The following DPYSL3 variants were observed in gnomAD, a reference collection of about 807,000 sequenced individuals.
DPYSL3 encodes dihydropyrimidinase like 3, also known as dihydropyrimidinase-related protein 3.
A neutral mutation model predicts 66.1 loss-of-function variants in DPYSL3; 16 were observed. That is an observed-to-expected ratio of 0.24 (90% confidence interval 0.16 to 0.37). The LOEUF (loss-of-function observed/expected upper bound fraction) is 0.37, where lower values mean the gene tolerates loss of function less well. Among genes scored for constraint, DPYSL3 ranks in the 10% least tolerant of loss-of-function variants. DPYSL3 has a pLI of 1.00. For missense variants in DPYSL3, 738 were observed against 916.2 expected (o/e 0.81, Z 2.51); for synonymous variants, 338 against 345.1 (o/e 0.98, Z 0.23).
chr5:147,420,122 T>A (rs946563078), intron 2 of DPYSL3, among the ~76,000 whole-genome samples: 2 of 152,122 alleles, frequency 1.3e-5, no homozygotes, highest in African/African-American at 4.8e-5. Flanking sequence ...AAAATCCAAG[T>A]CTAATAATGA....
chr5:147,435,113 A>AAG (rs952559105), intron 1 of DPYSL3, among the ~76,000 whole-genome samples: 8 of 150,606 alleles, frequency 5.3e-5, no homozygotes, highest in Non-Finnish European at 8.9e-5. Context: ...AGGTGGGGGG[A>AAG]AGAGAGAGAG....
In DPYSL3 at chr5:147,495,771, A is replaced by C. The variant is rs183208609; in HGVS notation, c.381+13707T>G. 2.4e-3 allele frequency among the ~76,000 whole-genome samples: 367 copies of C among 152,348 alleles called. 2 individuals carry two copies. The highest frequency in any genetic ancestry group is 8.3e-3 in the African/African-American group (347 of 41,570). ...AGAGAATACAAACAAATAGAAGAAC[A>C]TTCCATGTTCATGTGTAGGAAGAAT... On this transcript the variant is annotated intron_variant, in intron 1 of 13. Coordinates refer to ENST00000343218, the MANE Select transcript of DPYSL3 (RefSeq NM_001197294.2).
At chr5:147,470,951 T>A (rs1168412874) in intron 1 of DPYSL3, among the ~76,000 whole-genome samples, 2 of 152,128 alleles carry the variant, frequency 1.3e-5, no homozygotes, top group Non-Finnish European at 2.9e-5. Flanking sequence ...GCTGAACACT[T>A]CCCTTGGACT....
intron 1 of DPYSL3, among the ~76,000 whole-genome samples, chr5:147,503,494 C>T (rs572196648): frequency 2.0e-4 from 30 of 152,196 alleles, no homozygotes; most frequent in Non-Finnish European, 3.4e-4. Flanking sequence ...AAGTGTTCTA[C>T]GTTGCCCAGT....
chr5:147,485,926 C>T (rs1158953949), intron 1 of DPYSL3, among the ~76,000 whole-genome samples: 4 of 152,050 alleles, frequency 2.6e-5, no homozygotes. Flanking sequence ...GCACTATTCA[C>T]AATAACCAAA....
intron 1 of DPYSL3, among the ~76,000 whole-genome samples, chr5:147,436,919 T>A (rs1752423119): frequency 6.6e-6 from 1 of 152,230 alleles, no homozygotes; most frequent in Admixed American, 6.5e-5. Context: ...TTTGAGGTAC[T>A]GGTCAACCAT....
At chr5:147,409,500 T>G (rs567666110) in intron 6 of DPYSL3, among the ~76,000 whole-genome samples, 1 of 152,346 alleles carries the variant, frequency 6.6e-6, no homozygotes, top group South Asian at 2.1e-4. Context: ...CAGCATTACC[T>G]AAGTTAGTGT....
At chr5:147,483,986 C>T (rs952749315) in intron 1 of DPYSL3, among the ~76,000 whole-genome samples, 2 of 152,208 alleles carry the variant, frequency 1.3e-5, no homozygotes, top group Non-Finnish European at 2.9e-5. Flanking sequence ...TGTCTTTGAA[C>T]ACACAAGAGT....
chr5:147,401,786 A>G, intron 8 of DPYSL3, 90 bp from the exon 9 acceptor site: 2 of 1,500,886 alleles, frequency 1.3e-6, no homozygotes, highest in Non-Finnish European at 1.8e-6. Flanking sequence ...AAGCCTACCC[A>G]GGACTGTGTC....
intron 6 of DPYSL3, among the ~76,000 whole-genome samples, chr5:147,410,539 T>C (rs528097830): frequency 2.0e-5 from 3 of 152,190 alleles, no homozygotes; most frequent in Non-Finnish European, 2.9e-5. Flanking sequence ...GTTTGGGTCA[T>C]GACACAACTG....
chr5:147,397,543 A>T (rs1233744508), intron 12 of DPYSL3, 123 bp downstream of exon 12: 1 of 1,076,056 alleles, frequency 9.3e-7, no homozygotes, highest in Non-Finnish European at 1.3e-6. Flanking sequence ...TGGGGACAAG[A>T]CTGTCACTGA....
chr5:147,467,559 G>A (rs969905828), intron 1 of DPYSL3, among the ~76,000 whole-genome samples: 5 of 152,094 alleles, frequency 3.3e-5, no homozygotes, highest in East Asian at 3.9e-4. Flanking sequence ...TATACAGAAC[G>A]CCTTCCAAAA....
intron 1 of DPYSL3, among the ~76,000 whole-genome samples, chr5:147,466,467 A>G (rs754329182): frequency 6.6e-6 from 1 of 152,184 alleles, no homozygotes; most frequent in Non-Finnish European, 1.5e-5. Context: ...GCCCTAAATC[A>G]CAAGACTGAA....
chr5:147,481,672 A>G (rs1753246382), intron 1 of DPYSL3, among the ~76,000 whole-genome samples: 1 of 152,222 alleles, frequency 6.6e-6, no homozygotes, highest in Non-Finnish European at 1.5e-5. Flanking sequence ...CTCCACCCTT[A>G]TGCATGGATT....
At chr5:147,399,890 A>G (rs934002435) in intron 10 of DPYSL3, among the ~76,000 whole-genome samples, 3 of 152,228 alleles carry the variant, frequency 2.0e-5, no homozygotes, top group African/African-American at 7.2e-5. Context: ...ACAGACAACA[A>G]TATTTATATT....
rs904136570 is a variant in DPYSL3 at position 147,509,928 on chromosome 5, G to T, written c.-70C>A. 3 of 1,452,394 alleles carry T rather than the reference G, an allele frequency of 2.1e-6. No homozygotes were observed. Among genetic ancestry groups the T allele is most frequent in the African/African-American group, 2.8e-5 (2 of 70,598 alleles). 90.0% of individuals were successfully genotyped at this position (1,452,394 alleles called of 1,614,324 possible). On this transcript the variant is annotated 5_prime_UTR_variant, in exon 1 of 14. Transcript: ENST00000343218. The surrounding 1 kb of genome is among the most constrained non-coding windows in gnomAD (Gnocchi z 5.3). ...CGGAAAGGGCAGCCGCCGGCAGCGTGCGCCGAGCCACAGTGACTGTGGCGG... is the reference window on the plus strand; with the variant it reads ...CGGAAAGGGCAGCCGCCGGCAGCGTTCGCCGAGCCACAGTGACTGTGGCGG...
intron 1 of DPYSL3, among the ~76,000 whole-genome samples, chr5:147,437,295 T>C (rs1752429730): frequency 6.6e-6 from 1 of 152,062 alleles, no homozygotes; most frequent in Non-Finnish European, 1.5e-5. Flanking sequence ...TTTCACCAAA[T>C]CTGAAAGCCC....
chr5:147,480,147 G>T (rs558231158), intron 1 of DPYSL3, among the ~76,000 whole-genome samples: 24 of 152,158 alleles, frequency 1.6e-4, no homozygotes, highest in Admixed American at 1.6e-3. Flanking sequence ...AATAAAAGGC[G>T]AAAGAAAGGA....
intron 1 of DPYSL3, among the ~76,000 whole-genome samples, chr5:147,484,243 C>G (rs958088466): frequency 2.6e-5 from 4 of 152,310 alleles, no homozygotes; most frequent in East Asian, 3.9e-4. Context: ...TTTCCTCCCC[C>G]ATCCTCCTCC....
Sources: allele counts gnomAD v4.1 joint callset (sites outside exome capture counted in the v4.1 genomes callset), GRCh38; gene constraint gnomAD v4.1.1; non-coding constraint Gnocchi (gnomAD v3.1); transcripts MANE v1.5; gene names NCBI Gene and HGNC (gene_info 2026-07-23, HGNC 2026-07-21).